Variants in PCDHGB3 observed in about 807,000 individuals in gnomAD.
PCDHGB3 encodes protocadherin gamma-B3.
PCDHGB3 carries 40 observed loss-of-function variants against 59.2 expected under a neutral mutation model. The observed-to-expected ratio is 0.68, with a 90% CI of 0.52 to 0.88. The LOEUF is 0.88. PCDHGB3 is among the 40% of genes least tolerant of loss of function. PCDHGB3 has a pLI of 0.00. For synonymous variants in PCDHGB3, 581 were observed against 503.6 expected, an observed-to-expected ratio of 1.15 and a Z score of -2.06; for missense variants, 1,309 against 1,187.9, an observed-to-expected ratio of 1.10 and a Z score of -1.50.
intron 1 of PCDHGB3, chr5:141,398,616 C>T (rs922729367): frequency 6.2e-7 from 1 of 1,614,020 alleles, no homozygotes; most frequent in Non-Finnish European, 8.5e-7. Flanking sequence ...CAGATATTGG[C>T]TTAAACTCTC....
chr5:141,417,963 A>C (rs1260025037), intron 1 of PCDHGB3: 1 of 1,613,258 alleles, frequency 6.2e-7, no homozygotes, highest in Non-Finnish European at 8.5e-7. Flanking sequence ...CCGATCCGCT[A>C]CTCGATTCCG....
At chr5:141,398,483 T>A (rs754131866) in intron 1 of PCDHGB3, 1 of 1,608,486 alleles carries the variant, frequency 6.2e-7, no homozygotes, top group Non-Finnish European at 8.5e-7. Flanking sequence ...TTTTATCACG[T>A]GAATGTGGAG....
intron 1 of PCDHGB3, chr5:141,415,738 AGGTTTTTT>A: frequency 1.9e-6 from 1 of 538,082 alleles, no homozygotes; most frequent in Non-Finnish European, 2.7e-6. Flanking sequence ...ATGTTTATTA[AGGTTTTTT>A]TTTTTTTTTT....
chr5:141,484,697 T>C (rs746981788), intron 1 of PCDHGB3, among the ~76,000 whole-genome samples: 11 of 151,988 alleles, frequency 7.2e-5, no homozygotes, highest in Non-Finnish European at 1.3e-4. Context: ...AGGCTGTGGC[T>C]GTTTTCCCCG....
chr5:141,428,454 C>A, intron 1 of PCDHGB3: 1 of 365,394 alleles, frequency 2.7e-6, no homozygotes, highest in Non-Finnish European at 5.2e-6. Context: ...TTTTTCCCAA[C>A]TACAATGAGG....
At chr5:141,403,284 A>C in intron 1 of PCDHGB3, 1 of 1,613,912 alleles carries the variant, frequency 6.2e-7, no homozygotes. Flanking sequence ...GTCCTGGTTG[A>C]AGACAGAGTG....
At chr5:141,377,245 G>C (rs376774075) in intron 1 of PCDHGB3, 1 of 151,350 alleles carries the variant, frequency 6.6e-6, no homozygotes, top group South Asian at 2.1e-4. Context: ...TGTGACATTT[G>C]TAAGGTTCTT....
In PCDHGB3 at chr5:141,372,062, C is replaced by G. The variant is rs1768364404; in HGVS notation, c.1668C>G (p.Asn556Lys). The change falls in exon 1 of 4, where the codon AAC becomes AAG. Residue 556 changes from asparagine (N) to lysine (K), a missense_variant. Physicochemically the swap from Asn to Lys is moderately conservative, Grantham distance 94 (BLOSUM62 0). Coordinates refer to ENST00000576222, the MANE Select transcript of PCDHGB3 (RefSeq NM_018924.5). ...VSLRVLVDDR[N>K]DNAPLVLYPA... The stretch of plus-strand genomic sequence containing the variant: ...TGCGCGTGTTGGTGGACGACCGCAA[C>G]GACAATGCACCGCTGGTGCTGTACC... 2 of 1,613,470 alleles carry G rather than the reference C, an allele frequency of 1.2e-6. No homozygotes were observed. The highest frequency in any genetic ancestry group is 2.2e-5 in the South Asian group (2 of 91,078).
rs1411664231 is a variant in PCDHGB3 at position 141,390,362 on chromosome 5, GA to G, written c.2415+17557del. 3.9e-6 allele frequency: 6 copies of G among 1,532,890 alleles called. No individual in the cohort carries two copies. In the African/African-American group the frequency reaches 8.3e-5, roughly 21 times the overall value. 95.0% of individuals were successfully genotyped at this position (1,532,890 alleles called of 1,614,324 possible). ...CACAAGAAAATATACATATTTGCAG[GA>G]AAATATATAATTTTTAGATGTCATG... On this transcript the variant is annotated intron_variant, in intron 1 of 3. Coordinates refer to ENST00000576222, the MANE Select transcript of PCDHGB3 (RefSeq NM_018924.5).
Position 141,370,719 on chromosome 5 carries a change from GTTGCTGA to G in PCDHGB3, c.326_332del (p.Val109GlufsTer4). 6.2e-7 allele frequency: 1 copy of G among 1,613,852 alleles called. No individual in the cohort carries two copies. On this transcript the variant is annotated frameshift_variant, in exon 1 of 4. Coordinates refer to ENST00000576222, the MANE Select transcript of PCDHGB3 (RefSeq NM_018924.5). LOFTEE classifies it high-confidence loss of function. Reference sequence around the variant, plus strand: ...GACGTGTGTTCTGGAATTTGAAATGGTTGCTGAAAAGCCTTTAAACTTTTTTCATGTA... The same window carrying G: ...GACGTGTGTTCTGGAATTTGAAATGGAAAGCCTTTAAACTTTTTTCATGTA...
chr5:141,469,511 G>A (rs2099203340), intron 1 of PCDHGB3, among the ~76,000 whole-genome samples: 1 of 152,038 alleles, frequency 6.6e-6, no homozygotes, highest in African/African-American at 2.4e-5. Flanking sequence ...GGAGGTGGAG[G>A]TTGCAGTGAG....
intron 1 of PCDHGB3, chr5:141,387,572 T>G: frequency 2.1e-6 from 1 of 480,808 alleles, no homozygotes; most frequent in South Asian, 3.5e-5. Context: ...CAATTATAAT[T>G]ATTGCACTGG....
chr5:141,422,670 C>T, intron 1 of PCDHGB3: 1 of 1,607,244 alleles, frequency 6.2e-7, no homozygotes, highest in Non-Finnish European at 8.5e-7. Flanking sequence ...TCGACCCGGA[C>T]AGCAAACAGA....
intron 1 of PCDHGB3, among the ~76,000 whole-genome samples, chr5:141,460,120 A>C (rs1404213559): frequency 1.3e-5 from 2 of 151,956 alleles, no homozygotes; most frequent in Non-Finnish European, 2.9e-5. Flanking sequence ...ATTTTTATAT[A>C]TGTAATATAT....
intron 1 of PCDHGB3, among the ~76,000 whole-genome samples, chr5:141,481,913 CAAAAA>C (rs34114744): frequency 1.1e-5 from 1 of 90,852 alleles, no homozygotes; most frequent in Non-Finnish European, 2.2e-5. Flanking sequence ...AACTCCATCT[CAAAAA>C]AAAAAAAAAA....
At chr5:141,495,544 T>C (rs971374249) in intron 2 of PCDHGB3, among the ~76,000 whole-genome samples, 5 of 152,220 alleles carry the variant, frequency 3.3e-5, no homozygotes, top group African/African-American at 7.2e-5. Context: ...CCTCAGTCTC[T>C]ATCTCGCTTT....
chr5:141,490,998 C>T lies in PCDHGB3; in HGVS notation c.2416-3809C>T, dbSNP rs1284919124. 5 of 1,614,014 alleles carry T rather than the reference C, an allele frequency of 3.1e-6. No homozygotes were observed. The highest frequency in any genetic ancestry group is 1.7e-5 in the Admixed American group (1 of 60,016). On this transcript the variant is annotated intron_variant, in intron 1 of 3. Coordinates refer to ENST00000576222, the MANE Select transcript of PCDHGB3 (RefSeq NM_018924.5). The surrounding 1 kb of genome is among the most constrained non-coding windows in gnomAD (Gnocchi z 5.4). Reference sequence around the variant, plus strand: ...GTCTCCCTCGCTCTGCTCCTCCTGGCTCCTTGGTCACCAAGGTGACAGCCG... The same window carrying T: ...GTCTCCCTCGCTCTGCTCCTCCTGGTTCCTTGGTCACCAAGGTGACAGCCG...
At chr5:141,384,110 T>A in intron 1 of PCDHGB3, 1 of 1,604,780 alleles carries the variant, frequency 6.2e-7, no homozygotes, top group Non-Finnish European at 8.5e-7. Context: ...TATTATAGAT[T>A]GGTCACAACC....
At chr5:141,465,522 G>A (rs1416012695) in intron 1 of PCDHGB3, among the ~76,000 whole-genome samples, 1 of 152,112 alleles carries the variant, frequency 6.6e-6, no homozygotes, top group Non-Finnish European at 1.5e-5. Context: ...AGGATTCTGG[G>A]GAAGTTTTCC....
Sources: allele counts gnomAD v4.1 joint callset (sites outside exome capture counted in the v4.1 genomes callset), GRCh38; gene constraint gnomAD v4.1.1; non-coding constraint Gnocchi (gnomAD v3.1); transcripts MANE v1.5; gene names NCBI Gene and HGNC (gene_info 2026-07-23, HGNC 2026-07-21).